BARX2: variants seen among roughly 807,000 people sequenced by gnomAD.
The protein encoded by BARX2 is homeobox protein BarH-like 2.
Under a neutral mutation model 25.5 loss-of-function variants are expected in BARX2, and 11 were observed. The observed-to-expected ratio is 0.43, with a 90% CI of 0.27 to 0.71. The LOEUF (loss-of-function observed/expected upper bound fraction) is 0.71, where lower values mean the gene tolerates loss of function less well. BARX2 is among the 30% of genes least tolerant of loss of function. BARX2 has a pLI of 0.19. For missense variants in BARX2, 360 were observed against 359.9 expected (o/e 1.00, Z 0.00); for synonymous variants, 137 against 149.5 (o/e 0.92, Z 0.61).
Position 129,451,471 on chromosome 11 carries a change from G to C in BARX2, c.*69G>C, listed in dbSNP as rs1437316042. ...AAAGAGAGAAGGCAGGGAGAGTAGG[G>C]AGAGAAAACCTTCCAGCAGCCCAGT... is the stretch of plus-strand genomic sequence containing the variant. On this transcript the variant is annotated 3_prime_UTR_variant, in exon 4 of 4. Coordinates refer to ENST00000281437, the MANE Select transcript of BARX2 (RefSeq NM_003658.5). 1 of 1,540,698 alleles carries C rather than the reference G, an allele frequency of 6.5e-7. No homozygotes were observed.
At chr11:129,378,333 A>G (rs940827321) in intron 1 of BARX2, among the ~76,000 whole-genome samples, 2 of 152,248 alleles carry the variant, frequency 1.3e-5, no homozygotes, top group African/African-American at 2.4e-5. Flanking sequence ...GTGGGTTTAC[A>G]GTTACAGTTA....
chr11:129,410,997 A>G (rs1360523751), intron 1 of BARX2, among the ~76,000 whole-genome samples: 1 of 152,322 alleles, frequency 6.6e-6, no homozygotes, highest in East Asian at 1.9e-4. Flanking sequence ...GACAGGCTTG[A>G]AATAGGTCTG....
At chr11:129,410,912 C>T (rs1861879788) in intron 1 of BARX2, among the ~76,000 whole-genome samples, 1 of 152,184 alleles carries the variant, frequency 6.6e-6, no homozygotes, top group Admixed American at 6.5e-5. Context: ...TCATGTTCTC[C>T]TCACAGTATA....
chr11:129,442,775 C>A (rs1213599332), intron 2 of BARX2, 60 bp from the exon 3 acceptor site: 1 of 1,418,532 alleles, frequency 7.0e-7, no homozygotes, highest in Admixed American at 1.7e-5. Flanking sequence ...CCAGCAGGAT[C>A]CCATCTCTCC....
At chr11:129,405,991 T>G (rs971312714) in intron 1 of BARX2, among the ~76,000 whole-genome samples, 5 of 152,246 alleles carry the variant, frequency 3.3e-5, no homozygotes, top group African/African-American at 1.2e-4. Flanking sequence ...TAGGTACCTA[T>G]GTATGTTACT....
intron 1 of BARX2, among the ~76,000 whole-genome samples, chr11:129,392,907 G>T (rs187858698): frequency 1.3e-5 from 2 of 151,986 alleles, no homozygotes; most frequent in Admixed American, 1.3e-4. Flanking sequence ...CACTGCGCCC[G>T]GCTAACTTGT....
At chr11:129,404,593 C>T (rs1338013089) in intron 1 of BARX2, among the ~76,000 whole-genome samples, 1 of 152,210 alleles carries the variant, frequency 6.6e-6, no homozygotes, top group Non-Finnish European at 1.5e-5. Context: ...GTTGATAAAA[C>T]AACAGTGATG....
At chr11:129,444,378 A>G (rs1401476306) in intron 3 of BARX2, among the ~76,000 whole-genome samples, 1 of 152,204 alleles carries the variant, frequency 6.6e-6, no homozygotes. Flanking sequence ...CTGAAATGAA[A>G]GGGTTTTCAA....
At chr11:129,389,223 A>T (rs1267848760) in intron 1 of BARX2, among the ~76,000 whole-genome samples, 1 of 152,254 alleles carries the variant, frequency 6.6e-6, no homozygotes, top group African/African-American at 2.4e-5. Flanking sequence ...TATTAAAAAT[A>T]ATTATCTTAC....
Position 129,429,366 on chromosome 11 carries a change from TA to T in BARX2, c.188-7376del, listed in dbSNP as rs550233611. On this transcript the variant is annotated intron_variant, in intron 1 of 3. Coordinates refer to ENST00000281437, the MANE Select transcript of BARX2 (RefSeq NM_003658.5). Reference sequence around the variant, plus strand: ...GGGCAACACAGGGAGACCCTGCCTCTAAAAAAAAATTAGCAGAGTGTGGTAG... The same window carrying T: ...GGGCAACACAGGGAGACCCTGCCTCTAAAAAAAATTAGCAGAGTGTGGTAG... 2.2e-3 allele frequency among the ~76,000 whole-genome samples: 325 copies of T among 150,838 alleles called. 3 individuals are homozygous for T. Among genetic ancestry groups the T allele is most frequent in the Middle Eastern group, 0.01 (3 of 294 alleles).
intron 1 of BARX2, among the ~76,000 whole-genome samples, chr11:129,395,379 A>G (rs1861708929): frequency 6.6e-6 from 1 of 152,184 alleles, no homozygotes; most frequent in Admixed American, 6.5e-5. Flanking sequence ...GTCAACAAAT[A>G]ATGGCACAGG....
At chr11:129,382,567 G>A (rs1389423814) in intron 1 of BARX2, among the ~76,000 whole-genome samples, 1 of 152,206 alleles carries the variant, frequency 6.6e-6, no homozygotes, top group Non-Finnish European at 1.5e-5. Flanking sequence ...CACGACTGTA[G>A]TTAGCAGACT....
At chr11:129,449,320 T>C (rs375959861) in intron 3 of BARX2, among the ~76,000 whole-genome samples, 1 of 152,180 alleles carries the variant, frequency 6.6e-6, no homozygotes, top group East Asian at 1.9e-4. Flanking sequence ...AGGGACTGCA[T>C]AGAAGTTAGC....
At chr11:129,425,025 T>TC (rs1565518367) in intron 1 of BARX2, among the ~76,000 whole-genome samples, 1 of 152,214 alleles carries the variant, frequency 6.6e-6, no homozygotes, top group Admixed American at 6.5e-5. Flanking sequence ...TGCAATGTTA[T>TC]CCCCCAACAA....
intron 1 of BARX2, among the ~76,000 whole-genome samples, chr11:129,435,153 A>G (rs1286492728): frequency 1.3e-5 from 2 of 152,198 alleles, no homozygotes; most frequent in Non-Finnish European, 2.9e-5. Context: ...GTGAGATCCA[A>G]ACCACAAGCC....
chr11:129,431,571 A>G (rs781292640), intron 1 of BARX2, among the ~76,000 whole-genome samples: 85 of 152,206 alleles, frequency 5.6e-4, no homozygotes, highest in Non-Finnish European at 9.8e-4. Flanking sequence ...CTAATTTGCC[A>G]TATGTAGAAC....
At chr11:129,412,508 C>T (rs1287087256) in intron 1 of BARX2, among the ~76,000 whole-genome samples, 3 of 152,210 alleles carry the variant, frequency 2.0e-5, no homozygotes, top group Admixed American at 1.3e-4. Context: ...AGAGGTCCTG[C>T]TCCTTGCAGA....
chr11:129,419,783 T>C (rs1265627809), intron 1 of BARX2, among the ~76,000 whole-genome samples: 2 of 151,880 alleles, frequency 1.3e-5, no homozygotes, highest in Non-Finnish European at 2.9e-5. Flanking sequence ...ATATTATTAT[T>C]ATTATTCTTG....
At chr11:129,438,647 T>C (rs1565521912) in intron 2 of BARX2, among the ~76,000 whole-genome samples, 2 of 152,158 alleles carry the variant, frequency 1.3e-5, no homozygotes. Flanking sequence ...CGTCAGCTGT[T>C]TGGTAAGGGC....
Sources: gnomAD v4.1 joint callset for allele counts (sites outside exome capture counted in the v4.1 genomes callset) on GRCh38, gnomAD v4.1.1 for gene constraint, MANE v1.5 for transcripts, NCBI Gene and HGNC (gene_info 2026-07-23, HGNC 2026-07-21) for gene names.